KTN1: variants seen among roughly 807,000 people sequenced by gnomAD.
The protein encoded by KTN1 is kinectin.
KTN1 carries 130 observed loss-of-function variants against 222.5 expected under a neutral mutation model. The observed-to-expected ratio is 0.58, with a 90% CI of 0.51 to 0.68. The LOEUF is 0.68. Among genes scored for constraint, KTN1 ranks in the 30% least tolerant of loss-of-function variants. The pLI, the probability that KTN1 is intolerant of heterozygous loss-of-function variation, is 0.00. For missense variants in KTN1, 1,508 were observed against 1,500.4 expected, an observed-to-expected ratio of 1.01 and a Z score of -0.08; for synonymous variants, 512 against 496.3, an observed-to-expected ratio of 1.03 and a Z score of -0.42.
intron 43 of KTN1, 40 bp from the exon 44 acceptor site, chr14:55,684,059 T>C (rs2046587413): frequency 1.3e-6 from 2 of 1,575,202 alleles, no homozygotes; most frequent in Admixed American, 3.5e-5. Flanking sequence ...TTCTGTTGCT[T>C]TGTTTTAAAG....
intron 1 of KTN1, among the ~76,000 whole-genome samples, chr14:55,604,795 G>T (rs150865817): frequency 1.3e-5 from 2 of 152,058 alleles, no homozygotes; most frequent in Non-Finnish European, 2.9e-5. Flanking sequence ...GCTGGGTTTT[G>T]AAGGATAGGT....
At chr14:55,675,793 G>T in intron 40 of KTN1, 42 bp from the exon 41 acceptor site, 1 of 1,294,332 alleles carries the variant, frequency 7.7e-7, no homozygotes, top group South Asian at 1.2e-5. Flanking sequence ...ATCAAAGAAT[G>T]ATGCAAATTA....
intron 41 of KTN1, among the ~76,000 whole-genome samples, chr14:55,677,382 C>A (rs1566858970): frequency 1.3e-5 from 2 of 148,448 alleles, no homozygotes; most frequent in Non-Finnish European, 3.0e-5. Context: ...GAGGCTGAGG[C>A]AGAAGAATTG....
At chr14:55,657,396 C>T (rs1341915814) in intron 29 of KTN1, among the ~76,000 whole-genome samples, 4 of 115,644 alleles carry the variant, frequency 3.5e-5, no homozygotes, top group East Asian at 2.3e-4. Flanking sequence ...ACTGAGTTGA[C>T]GTTTTTTTTT....
intron 1 of KTN1, among the ~76,000 whole-genome samples, chr14:55,606,762 A>G (rs9972178): frequency 0.08 from 12,161 of 152,166 alleles, 530 homozygotes; most frequent in South Asian, 0.11. Flanking sequence ...TATTGTTTCA[A>G]TGTGCAATTT....
intron 29 of KTN1, among the ~76,000 whole-genome samples, chr14:55,656,740 T>A (rs1277357774): frequency 6.6e-6 from 1 of 152,190 alleles, no homozygotes; most frequent in Non-Finnish European, 1.5e-5. Flanking sequence ...GTGCTGAGAT[T>A]ATAGGTGTGA....
At chr14:55,639,833 A>G in intron 13 of KTN1, 80 bp from the exon 14 acceptor site, 2 of 878,294 alleles carry the variant, frequency 2.3e-6, no homozygotes, top group Middle Eastern at 2.4e-4. Flanking sequence ...AGTAAGGATG[A>G]TGCTTTTTAA....
At chr14:55,662,606 G>C (rs774150591) in intron 32 of KTN1, among the ~76,000 whole-genome samples, 1 of 152,178 alleles carries the variant, frequency 6.6e-6, no homozygotes, top group Non-Finnish European at 1.5e-5. Context: ...AGAAATTTTT[G>C]TACACTGTAG....
intron 1 of KTN1, among the ~76,000 whole-genome samples, chr14:55,600,859 G>C (rs1001048842): frequency 1.3e-5 from 2 of 151,950 alleles, no homozygotes; most frequent in Non-Finnish European, 2.9e-5. Flanking sequence ...CTTTCAGTTT[G>C]TCTAATTATA....
rs1594801201 is a variant in KTN1 at position 55,606,821 on chromosome 14, C to T, written c.-30-5198C>T. On this transcript the variant is annotated intron_variant, in intron 1 of 43. Coordinates refer to ENST00000395314, the MANE Select transcript of KTN1 (RefSeq NM_001079521.2). ...CAGTAAAATGTTTGTAATAATCTCC[C>T]TTCAAAAAATGTAATGATTCTCATT... 2.0e-5 allele frequency among the ~76,000 whole-genome samples: 3 copies of T among 152,020 alleles called. No individual in the cohort carries two copies. The South Asian group carries it at 6.2e-4, about 32-fold the overall frequency.
chr14:55,593,938 C>A (rs1163048035), intron 1 of KTN1, among the ~76,000 whole-genome samples: 1 of 152,044 alleles, frequency 6.6e-6, no homozygotes, highest in East Asian at 1.9e-4. Context: ...TTGCTGTTAC[C>A]TTTAGGAACT....
chr14:55,615,992 A>G (rs1321873696), intron 2 of KTN1, among the ~76,000 whole-genome samples: 1 of 151,636 alleles, frequency 6.6e-6, no homozygotes, highest in Non-Finnish European at 1.5e-5. Flanking sequence ...GGCTCACTGC[A>G]CCTTCGACCT....
At chr14:55,582,197 A>T (rs1323234980) in intron 1 of KTN1, among the ~76,000 whole-genome samples, 2 of 152,216 alleles carry the variant, frequency 1.3e-5, no homozygotes, top group Non-Finnish European at 2.9e-5. Context: ...CGTCAGCATT[A>T]TGAAGAGACA....
At chr14:55,607,819 T>G (rs1382469694) in intron 1 of KTN1, among the ~76,000 whole-genome samples, 3 of 152,196 alleles carry the variant, frequency 2.0e-5, no homozygotes, top group Non-Finnish European at 4.4e-5. Context: ...TGGAGTTTGA[T>G]GCTGCAATGC....
intron 1 of KTN1, among the ~76,000 whole-genome samples, chr14:55,586,039 T>G (rs1219288134): frequency 1.3e-5 from 2 of 152,238 alleles, no homozygotes; most frequent in East Asian, 3.8e-4. Context: ...GGGACAATTA[T>G]TATTCTTATG....
intron 1 of KTN1, among the ~76,000 whole-genome samples, chr14:55,596,835 T>C (rs1287625376): frequency 1.3e-5 from 2 of 151,876 alleles, no homozygotes; most frequent in Non-Finnish European, 2.9e-5. Context: ...TTTTTGCCAC[T>C]GTAGACTTAA....
chr14:55,634,777 T>C lies in KTN1; in HGVS notation c.1461+119T>C, dbSNP rs146379236. On this transcript the variant is annotated intron_variant, in intron 9 of 43. Coordinates refer to ENST00000395314, the MANE Select transcript of KTN1 (RefSeq NM_001079521.2). ...TAAATTTTTAAGGAAAGAGGTTTAA[T>C]TGACTCACGGTTCAACATGGCTGGG... 5,058 of 783,758 alleles carry C rather than the reference T, an allele frequency of 6.5e-3. 37 individuals carry two copies. The highest frequency in any genetic ancestry group is 0.02 in the South Asian group (852 of 42,920). 48.6% of individuals were successfully genotyped at this position (783,758 alleles called of 1,614,324 possible).
chr14:55,599,205 T>C (rs898658744), intron 1 of KTN1, among the ~76,000 whole-genome samples: 1 of 152,210 alleles, frequency 6.6e-6, no homozygotes, highest in African/African-American at 2.4e-5. Flanking sequence ...TCTGTGTTTC[T>C]GATTTCTTTT....
At chr14:55,681,450 C>T (rs2046359672) in intron 43 of KTN1, 1 of 152,138 alleles carries the variant, frequency 6.6e-6, no homozygotes, top group African/African-American at 2.4e-5. Context: ...ATAGTCTGCT[C>T]ATTTTAAGTC....
Sources: gnomAD v4.1 joint callset for allele counts (sites outside exome capture counted in the v4.1 genomes callset) on GRCh38, gnomAD v4.1.1 for gene constraint, MANE v1.5 for transcripts, NCBI Gene and HGNC (gene_info 2026-07-23, HGNC 2026-07-21) for gene names.